The following ABTB3 variants were observed in gnomAD, a reference collection of about 807,000 sequenced individuals.
The protein encoded by ABTB3 is ankyrin repeat and BTB domain containing 3.
chr12:107,388,273 T>A, the ABTB3 span, among the ~76,000 whole-genome samples: 1 of 151,266 alleles, frequency 6.6e-6, no homozygotes, highest in Admixed American at 6.6e-5. Flanking sequence ...CACCCGGCCC[T>A]TCTTCTTTCT....
the ABTB3 span, among the ~76,000 whole-genome samples, chr12:107,631,359 C>T: frequency 6.6e-6 from 1 of 152,216 alleles, no homozygotes; most frequent in Non-Finnish European, 1.5e-5. Context: ...CACTGATGGA[C>T]ACCTTGGTTG....
At chr12:107,321,498 G>A in the ABTB3 span, among the ~76,000 whole-genome samples, 1 of 151,978 alleles carries the variant, frequency 6.6e-6, no homozygotes, top group African/African-American at 2.4e-5. Flanking sequence ...GTTGGGGAGG[G>A]GAATCCGCAC....
the ABTB3 span, among the ~76,000 whole-genome samples, chr12:107,583,202 A>T: frequency 6.6e-6 from 1 of 152,206 alleles, no homozygotes; most frequent in Admixed American, 6.5e-5. Context: ...ATCCATTCAA[A>T]CAATGCCTGA....
the ABTB3 span, among the ~76,000 whole-genome samples, chr12:107,631,107 C>T: frequency 6.6e-6 from 1 of 152,144 alleles, no homozygotes; most frequent in Non-Finnish European, 1.5e-5. Context: ...TCTCTCTCTC[C>T]TACCTCTTTT....
At chr12:107,555,937 A>G in the ABTB3 span, among the ~76,000 whole-genome samples, 2 of 152,196 alleles carry the variant, frequency 1.3e-5, no homozygotes, top group South Asian at 2.1e-4. Flanking sequence ...CATATGCCAC[A>G]TGACTGTGTT....
At chr12:107,461,384 G>A in the ABTB3 span, among the ~76,000 whole-genome samples, 4 of 152,152 alleles carry the variant, frequency 2.6e-5, no homozygotes, top group Non-Finnish European at 5.9e-5. Flanking sequence ...GATGGAAGAA[G>A]GCCACGTGAT....
chr12:107,415,302 G>C, the ABTB3 span, among the ~76,000 whole-genome samples: 2 of 152,066 alleles, frequency 1.3e-5, no homozygotes, highest in Non-Finnish European at 2.9e-5. Context: ...TTTGAGTAGC[G>C]CTTCCCACTG....
the ABTB3 span, among the ~76,000 whole-genome samples, chr12:107,357,348 C>A: frequency 5.3e-5 from 8 of 152,202 alleles, 1 homozygote; most frequent in Admixed American, 3.3e-4. Flanking sequence ...AAAATGAAAT[C>A]TGTAATCTCA....
At chr12:107,632,891 C>CA in the ABTB3 span, among the ~76,000 whole-genome samples, 1 of 152,346 alleles carries the variant, frequency 6.6e-6, no homozygotes, top group East Asian at 1.9e-4. Context: ...TGAGTCCCCT[C>CA]ACGAGCTTGC....
At chr12:107,574,808 G>A in the ABTB3 span, among the ~76,000 whole-genome samples, 1 of 152,208 alleles carries the variant, frequency 6.6e-6, no homozygotes, top group Admixed American at 6.5e-5. Flanking sequence ...AAGATCCCAG[G>A]TGATTCAAAG....
chr12:107,330,219 G>T, the ABTB3 span, among the ~76,000 whole-genome samples: 2 of 152,198 alleles, frequency 1.3e-5, no homozygotes, highest in South Asian at 2.1e-4. Flanking sequence ...GCATCTGCCA[G>T]ATTAAGCAGG....
At chr12:107,333,558 T>C in the ABTB3 span, among the ~76,000 whole-genome samples, 2 of 152,142 alleles carry the variant, frequency 1.3e-5, no homozygotes, top group Non-Finnish European at 2.9e-5. Context: ...AAAATGGAGA[T>C]AAGAAATATA....
At chr12:107,450,896 T>G in the ABTB3 span, among the ~76,000 whole-genome samples, 2 of 152,030 alleles carry the variant, frequency 1.3e-5, no homozygotes, top group Non-Finnish European at 2.9e-5. Flanking sequence ...CATGTGTTGA[T>G]CTCTAAGAGC....
At chr12:107,376,884 A>G in the ABTB3 span, among the ~76,000 whole-genome samples, 114 of 152,260 alleles carry the variant, frequency 7.5e-4, no homozygotes, top group African/African-American at 2.6e-3. Flanking sequence ...GCCCAGAGGT[A>G]TAAGGGGCAG....
the ABTB3 span, among the ~76,000 whole-genome samples, chr12:107,647,668 A>G: frequency 1.3e-5 from 2 of 152,260 alleles, no homozygotes; most frequent in African/African-American, 4.8e-5. Flanking sequence ...AAGATTTTTC[A>G]GCCTCAGAGA....
chr12:107,436,951 TC>T, the ABTB3 span, among the ~76,000 whole-genome samples: 5 of 149,854 alleles, frequency 3.3e-5, no homozygotes, highest in Admixed American at 6.7e-5. Flanking sequence ...CGCTTCTGCA[TC>T]CCCCCCCGCC....
At chr12:107,364,349 C>T in the ABTB3 span, among the ~76,000 whole-genome samples, 41,476 of 151,164 alleles carry the variant, frequency 0.27, 6,014 homozygotes, top group South Asian at 0.39. Flanking sequence ...AGTGCAGTGG[C>T]GTGATCTCAG....
the ABTB3 span, among the ~76,000 whole-genome samples, chr12:107,493,074 A>G: frequency 8.1e-3 from 1,140 of 141,184 alleles, 21 homozygotes; most frequent in African/African-American, 0.031. Flanking sequence ...GCCAAGCCAC[A>G]GAGAAAAGAA....
chr12:107,440,095 T>A, the ABTB3 span, among the ~76,000 whole-genome samples: 1 of 152,206 alleles, frequency 6.6e-6, no homozygotes, highest in Non-Finnish European at 1.5e-5. Flanking sequence ...CCCCCGCCGC[T>A]CCTTACAATC....
Sources: allele counts gnomAD v4.1 joint callset (sites outside exome capture counted in the v4.1 genomes callset), GRCh38; gene constraint gnomAD v4.1.1; transcripts MANE v1.5; gene names NCBI Gene and HGNC (gene_info 2026-07-23, HGNC 2026-07-21).